Variants in SNX13 observed in about 807,000 individuals in gnomAD.
The protein encoded by SNX13 is sorting nexin 13.
In SNX13, 45 loss-of-function variants were observed where a neutral mutation model predicts 133.6. The ratio of observed to expected loss-of-function variants is 0.34; its 90% CI spans 0.27 to 0.43. The LOEUF is 0.43. Ranked by LOEUF, SNX13 falls within the 20% of genes least tolerant of loss-of-function variation. SNX13 has a pLI of 1.00. For synonymous variants in SNX13, 414 were observed against 373.9 expected (o/e 1.11, Z -1.24); for missense variants, 1,032 against 1,145.1 (o/e 0.90, Z 1.43).
rs139269150 is a variant in SNX13, at chr7:17,821,235, C to T, written c.1845+274G>A. 9.2e-5 allele frequency among the ~76,000 whole-genome samples: 14 copies of T among 152,238 alleles called. No homozygotes were observed. The East Asian group carries it at 2.7e-3, about 29-fold the overall frequency. ...CTTTGAAAAGCACAATACACACACGCAAATTTTAAAATCAGAAACATGTAT... is the reference window on the plus strand; with the variant it reads ...CTTTGAAAAGCACAATACACACACGTAAATTTTAAAATCAGAAACATGTAT... On this transcript the variant is annotated intron_variant, in intron 18 of 25. Coordinates refer to ENST00000428135, the MANE Select transcript of SNX13 (RefSeq NM_015132.5).
intron 2 of SNX13, among the ~76,000 whole-genome samples, chr7:17,895,305 C>T (rs1797084095): frequency 6.6e-6 from 1 of 152,078 alleles, no homozygotes; most frequent in Non-Finnish European, 1.5e-5. Flanking sequence ...CCAACAAATA[C>T]AACAGAATGC....
chr7:17,892,244 G>A (rs1796703656), intron 3 of SNX13, among the ~76,000 whole-genome samples: 1 of 151,816 alleles, frequency 6.6e-6, no homozygotes, highest in Non-Finnish European at 1.5e-5. Flanking sequence ...GTTATAATAT[G>A]AAACCACGGA....
chr7:17,906,881 A>C (rs1261283346), intron 1 of SNX13, among the ~76,000 whole-genome samples: 3 of 152,166 alleles, frequency 2.0e-5, no homozygotes, highest in Admixed American at 6.5e-5. Flanking sequence ...AAACTGATTC[A>C]ACAAAAATAA....
At chr7:17,869,813 T>C (rs980850741) in intron 8 of SNX13, among the ~76,000 whole-genome samples, 2 of 152,120 alleles carry the variant, frequency 1.3e-5, no homozygotes, top group Admixed American at 6.6e-5. Context: ...TCAAATTATG[T>C]CTCTGGCCAC....
At chr7:17,854,057 C>A (rs1461280999) in intron 9 of SNX13, among the ~76,000 whole-genome samples, 1 of 151,912 alleles carries the variant, frequency 6.6e-6, no homozygotes, top group South Asian at 2.1e-4. Context: ...AAATTTGTAC[C>A]TACAAAAAAG....
chr7:17,801,147 G>C (rs1784604567), intron 22 of SNX13, among the ~76,000 whole-genome samples: 1 of 149,790 alleles, frequency 6.7e-6, no homozygotes, highest in African/African-American at 2.4e-5. Flanking sequence ...TATTATTCAT[G>C]ATATAACAAA....
intron 17 of SNX13, 77 bp downstream of exon 17, chr7:17,825,945 A>C: frequency 9.1e-7 from 1 of 1,097,874 alleles, no homozygotes; most frequent in Non-Finnish European, 1.3e-6. Flanking sequence ...GGTTAGTAAA[A>C]ATTAAGTGTG....
intron 1 of SNX13, among the ~76,000 whole-genome samples, chr7:17,937,044 G>A (rs1220989802): frequency 7.1e-6 from 1 of 140,426 alleles, no homozygotes; most frequent in African/African-American, 2.6e-5. Context: ...CTAGCTAGAC[G>A]TTACATACAG....
At chr7:17,911,188 G>C (rs1360394046) in intron 1 of SNX13, among the ~76,000 whole-genome samples, 2 of 152,152 alleles carry the variant, frequency 1.3e-5, no homozygotes, top group African/African-American at 4.8e-5. Flanking sequence ...CTGTACAACA[G>C]TTGAAAACAC....
chr7:17,915,441 T>C (rs1431869269), intron 1 of SNX13, among the ~76,000 whole-genome samples: 1 of 152,186 alleles, frequency 6.6e-6, no homozygotes, highest in Non-Finnish European at 1.5e-5. Context: ...TAAATTCCTA[T>C]ATTGTAAGCC....
At chr7:17,933,845 T>A (rs1801709361) in intron 1 of SNX13, among the ~76,000 whole-genome samples, 1 of 150,366 alleles carries the variant, frequency 6.7e-6, no homozygotes. Flanking sequence ...CTATAATGAC[T>A]GGCAATTTAC....
chr7:17,845,308 G>T (rs781070663), intron 12 of SNX13, among the ~76,000 whole-genome samples: 1 of 152,124 alleles, frequency 6.6e-6, no homozygotes, highest in Admixed American at 6.5e-5. Context: ...TTCCACCTAC[G>T]TGAGGTACTT....
intron 17 of SNX13, among the ~76,000 whole-genome samples, chr7:17,825,784 T>G (rs1309807966): frequency 2.0e-5 from 3 of 152,132 alleles, no homozygotes; most frequent in Non-Finnish European, 2.9e-5. Context: ...TTATTAGAAA[T>G]AGTAGAACAC....
At chr7:17,856,052 G>A (rs1260346337) in intron 9 of SNX13, among the ~76,000 whole-genome samples, 1 of 152,164 alleles carries the variant, frequency 6.6e-6, no homozygotes, top group Non-Finnish European at 1.5e-5. Context: ...ACTTTAAGGG[G>A]TTCAAGACTT....
intron 25 of SNX13, chr7:17,796,554 T>C (rs967635435): frequency 9.9e-6 from 3 of 304,306 alleles, no homozygotes; most frequent in Admixed American, 8.8e-5. Context: ...AACTGTTGCT[T>C]AGTAGCTATA....
At chr7:17,908,458 C>A (rs1297922923) in intron 1 of SNX13, among the ~76,000 whole-genome samples, 1 of 152,164 alleles carries the variant, frequency 6.6e-6, no homozygotes, top group African/African-American at 2.4e-5. Flanking sequence ...GCAAAAAATT[C>A]TATCAAGTTC....
chr7:17,857,054 A>G (rs1648679563), intron 9 of SNX13, among the ~76,000 whole-genome samples: 1 of 152,110 alleles, frequency 6.6e-6, no homozygotes, highest in Non-Finnish European at 1.5e-5. Flanking sequence ...GAAAATGGAT[A>G]TACTACAACT....
chr7:17,799,835 A>G (rs1186098044), intron 22 of SNX13, among the ~76,000 whole-genome samples: 1 of 151,880 alleles, frequency 6.6e-6, no homozygotes, highest in Non-Finnish European at 1.5e-5. Flanking sequence ...TACGTATAAA[A>G]TAAAAAGCAG....
At chr7:17,800,037 C>G (rs1784450097) in intron 22 of SNX13, among the ~76,000 whole-genome samples, 1 of 151,674 alleles carries the variant, frequency 6.6e-6, no homozygotes, top group Admixed American at 6.6e-5. Context: ...TGAAATCATA[C>G]AGCTTAATCA....
Sources: allele counts gnomAD v4.1 joint callset (sites outside exome capture counted in the v4.1 genomes callset), GRCh38; gene constraint gnomAD v4.1.1; transcripts MANE v1.5; gene names NCBI Gene and HGNC (gene_info 2026-07-23, HGNC 2026-07-21).